TAFA1: variants seen among roughly 807,000 people sequenced by gnomAD.
The protein encoded by TAFA1 is TAFA chemokine like family member 1.
A neutral mutation model predicts 18.5 loss-of-function variants in TAFA1; 4 were observed. The observed-to-expected ratio is 0.22, with a 90% CI of 0.11 to 0.49. TAFA1 has a LOEUF of 0.49. TAFA1 is among the 20% of genes least tolerant of loss of function. TAFA1 has a pLI of 0.98. For missense variants in TAFA1, 147 were observed against 169.0 expected, an observed-to-expected ratio of 0.87 and a Z score of 0.72; for synonymous variants, 56 against 55.2, an observed-to-expected ratio of 1.01 and a Z score of -0.06.
chr3:68,461,841 T>TCCC (rs2071788389), intron 3 of TAFA1, among the ~76,000 whole-genome samples: 1 of 152,030 alleles, frequency 6.6e-6, no homozygotes, highest in Non-Finnish European at 1.5e-5. Context: ...AGTTTTCTGG[T>TCCC]AGCACTTTCG....
Position 68,110,728 on chromosome 3 carries a change from A to G in TAFA1, c.118+103984A>G, listed in dbSNP as rs561228306. Among the ~76,000 whole-genome samples the G allele has an allele frequency of 3.6e-3, 552 of 152,286 alleles. 5 individuals are homozygous for G. The highest frequency in any genetic ancestry group is 0.012 in the African/African-American group (515 of 41,574). On this transcript the variant is annotated intron_variant, in intron 2 of 4. Transcript: ENST00000478136. ...GACTTGGTGATGAATTGCATGTACAATGTGAAAGAAAGAGATAAACTATGG... is the reference window on the plus strand; with the variant it reads ...GACTTGGTGATGAATTGCATGTACAGTGTGAAAGAAAGAGATAAACTATGG...
intron 2 of TAFA1, among the ~76,000 whole-genome samples, chr3:68,012,482 A>G (rs1704491664): frequency 6.6e-6 from 1 of 152,194 alleles, no homozygotes; most frequent in Admixed American, 6.5e-5. Context: ...AGTGGAGAAA[A>G]CAAGGAACAG....
chr3:68,177,045 TGAAACTGTAAATATTACA>T (rs1344879969), intron 2 of TAFA1, among the ~76,000 whole-genome samples: 1 of 152,196 alleles, frequency 6.6e-6, no homozygotes, highest in Non-Finnish European at 1.5e-5. Context: ...TAGACCTTAC[TGAAACTGTAAATATTACA>T]GAAACTCAGA....
chr3:68,503,542 G>A (rs1339232470), intron 3 of TAFA1, among the ~76,000 whole-genome samples: 2 of 152,090 alleles, frequency 1.3e-5, no homozygotes, highest in African/African-American at 4.8e-5. Flanking sequence ...GGAAAATGAT[G>A]ATGCTTAATT....
chr3:68,126,541 G>A (rs775630792), intron 2 of TAFA1, among the ~76,000 whole-genome samples: 1 of 152,188 alleles, frequency 6.6e-6, no homozygotes, highest in Non-Finnish European at 1.5e-5. Context: ...TTTCAAAAAT[G>A]TATATATTCC....
chr3:68,275,037 T>A (rs1294756922), intron 2 of TAFA1, among the ~76,000 whole-genome samples: 1 of 152,096 alleles, frequency 6.6e-6, no homozygotes, highest in African/African-American at 2.4e-5. Flanking sequence ...ATATTACATG[T>A]TGTATTATAT....
intron 2 of TAFA1, among the ~76,000 whole-genome samples, chr3:68,209,145 G>A (rs1161533182): frequency 6.6e-6 from 1 of 151,982 alleles, no homozygotes; most frequent in Non-Finnish European, 1.5e-5. Context: ...GGGTTCAGAA[G>A]CACATCTTCA....
intron 2 of TAFA1, among the ~76,000 whole-genome samples, chr3:68,316,109 T>C (rs1453804366): frequency 1.3e-5 from 2 of 152,220 alleles, no homozygotes; most frequent in Non-Finnish European, 1.5e-5. Flanking sequence ...CCAGTTGTAA[T>C]TAAATGAGGG....
chr3:68,345,916 C>T (rs562065694), intron 2 of TAFA1, among the ~76,000 whole-genome samples: 22 of 152,074 alleles, frequency 1.4e-4, no homozygotes, highest in African/African-American at 4.1e-4. Flanking sequence ...AAAGATTGGC[C>T]GGAGAGAGAA....
At chr3:68,302,283 C>A (rs543292815) in intron 2 of TAFA1, among the ~76,000 whole-genome samples, 1 of 152,106 alleles carries the variant, frequency 6.6e-6, no homozygotes, top group Non-Finnish European at 1.5e-5. Context: ...CAACAGTTCC[C>A]GAGAAAGGCA....
intron 2 of TAFA1, among the ~76,000 whole-genome samples, chr3:68,225,802 T>G (rs765796848): frequency 8.5e-5 from 13 of 152,198 alleles, no homozygotes; most frequent in Non-Finnish European, 1.8e-4. Flanking sequence ...TTGAGCATGT[T>G]TTTTGAAGTC....
intron 2 of TAFA1, among the ~76,000 whole-genome samples, chr3:68,059,375 C>T (rs946415260): frequency 1.5e-4 from 23 of 152,106 alleles, no homozygotes; most frequent in African/African-American, 5.1e-4. Context: ...GATGAGGAAA[C>T]TGAGACAGAA....
intron 2 of TAFA1, among the ~76,000 whole-genome samples, chr3:68,022,690 G>GA (rs1356808068): frequency 6.6e-6 from 1 of 151,308 alleles, no homozygotes; most frequent in East Asian, 1.9e-4. Flanking sequence ...GAATACAAGG[G>GA]AAAATGCATT....
intron 2 of TAFA1, among the ~76,000 whole-genome samples, chr3:68,279,345 G>GCCACTA (rs141959388): frequency 0.017 from 2,618 of 152,178 alleles, 85 homozygotes; most frequent in East Asian, 0.13. Context: ...AAGTGTGGTA[G>GCCACTA]CCACTACTTT....
chr3:68,354,416 C>T (rs2069326338), intron 2 of TAFA1, among the ~76,000 whole-genome samples: 2 of 151,890 alleles, frequency 1.3e-5, no homozygotes, highest in South Asian at 4.1e-4. Flanking sequence ...TTAGGCATGA[C>T]ATGTGCCTTC....
chr3:68,387,497 C>T (rs968850307), intron 2 of TAFA1, among the ~76,000 whole-genome samples: 6 of 152,088 alleles, frequency 3.9e-5, no homozygotes, highest in Admixed American at 1.3e-4. Context: ...AATGTTGTAT[C>T]TCAACAGAGG....
intron 2 of TAFA1, among the ~76,000 whole-genome samples, chr3:68,187,558 T>G (rs547639686): frequency 2.6e-5 from 4 of 152,084 alleles, no homozygotes; most frequent in Non-Finnish European, 4.4e-5. Flanking sequence ...ACAGGACAAA[T>G]TTTAGAAATC....
At chr3:68,542,327 C>T (rs2073390644) in intron 4 of TAFA1, among the ~76,000 whole-genome samples, 1 of 152,098 alleles carries the variant, frequency 6.6e-6, no homozygotes, top group African/African-American at 2.4e-5. Flanking sequence ...GCTTCAATTG[C>T]TTTATTAAAT....
At chr3:68,479,339 A>G (rs549237772) in intron 3 of TAFA1, among the ~76,000 whole-genome samples, 233 of 151,728 alleles carry the variant, frequency 1.5e-3, no homozygotes, top group Non-Finnish European at 2.5e-3. Context: ...GTGAATACAC[A>G]TATTTCCACT....
Sources: gnomAD v4.1 joint callset for allele counts (sites outside exome capture counted in the v4.1 genomes callset) on GRCh38, gnomAD v4.1.1 for gene constraint, MANE v1.5 for transcripts, NCBI Gene and HGNC (gene_info 2026-07-23, HGNC 2026-07-21) for gene names.